PDE1C: variants seen among roughly 807,000 people sequenced by gnomAD.
PDE1C encodes the protein phosphodiesterase 1C, also known as dual specificity calcium/calmodulin-dependent 3',5'-cyclic nucleotide phosphodiesterase 1C.
PDE1C carries 62 observed loss-of-function variants against 93.1 expected under a neutral mutation model. That is an observed-to-expected ratio of 0.67 (90% CI 0.54 to 0.82). The LOEUF (loss-of-function observed/expected upper bound fraction) is 0.82. Ranked by LOEUF, PDE1C falls within the 40% of genes least tolerant of loss-of-function variation. The pLI is 0.00. For synonymous variants in PDE1C, 325 were observed against 310.1 expected (o/e 1.05, Z -0.50); for missense variants, 742 against 884.6 (o/e 0.84, Z 2.04).
At chr7:32,264,385 C>T (rs1810425484) in intron 1 of PDE1C, among the ~76,000 whole-genome samples, 1 of 152,160 alleles carries the variant, frequency 6.6e-6, no homozygotes. Context: ...ATTCTTATTG[C>T]CTTTTATAGA....
chr7:32,166,902 A>G (rs752917372), intron 3 of PDE1C, among the ~76,000 whole-genome samples: 192 of 152,278 alleles, frequency 1.3e-3, no homozygotes, highest in Non-Finnish European at 2.0e-3. Context: ...AAGTCTGCCC[A>G]AGCTACTCCT....
At chr7:32,011,794 A>T (rs1787155822) in intron 2 of PDE1C, among the ~76,000 whole-genome samples, 1 of 152,202 alleles carries the variant, frequency 6.6e-6, no homozygotes, top group Non-Finnish European at 1.5e-5. Context: ...ACATGCAGCT[A>T]CTATATGATG....
At chr7:32,234,782 C>T (rs1221564114) in intron 1 of PDE1C, among the ~76,000 whole-genome samples, 4 of 151,990 alleles carry the variant, frequency 2.6e-5, no homozygotes, top group African/African-American at 9.7e-5. Flanking sequence ...GTCATCATTA[C>T]TCTGATACCA....
rs3078683 is a variant in PDE1C, at chr7:32,147,272, AAAAGAAAGAAAG to A, written c.308+22501_308+22512del. On this transcript the variant is annotated intron_variant, in intron 3 of 18. Transcript: ENST00000396193. ...GAAAGAAAAGAAAGAAAGAAAGAAA[AAAAGAAAGAAAG>A]AAAGAAAGAAAGAAAGAAAGAAAGA... 1.0e-2 allele frequency among the ~76,000 whole-genome samples: 964 copies of A among 96,680 alleles called. 19 individuals are homozygous for A. The highest frequency in any genetic ancestry group is 0.012 in the Non-Finnish European group (536 of 45,588). The allele number at this position is 96,680 out of a possible 152,430, so 63.4% of individuals were successfully genotyped here.
intron 2 of PDE1C, among the ~76,000 whole-genome samples, chr7:31,936,676 C>T (rs62456035): frequency 1.3e-5 from 2 of 152,108 alleles, no homozygotes; most frequent in Non-Finnish European, 2.9e-5. Flanking sequence ...AATGACTCAT[C>T]ACAGATTAGA....
chr7:31,769,757 T>C (rs77899578), intron 17 of PDE1C, among the ~76,000 whole-genome samples: 20,067 of 152,162 alleles, frequency 0.13, 1,652 homozygotes, highest in Non-Finnish European at 0.18. Context: ...GAGAAGTCAC[T>C]CTCCACTCTC....
chr7:32,193,916 G>T (rs79482464), intron 2 of PDE1C, among the ~76,000 whole-genome samples: 24,227 of 114,992 alleles, frequency 0.21, 2,412 homozygotes, highest in South Asian at 0.43. Context: ...GTTTTGTTTT[G>T]TTTTTTTTTT....
At chr7:32,054,587 T>C (rs17160840) in intron 1 of PDE1C, among the ~76,000 whole-genome samples, 6,360 of 152,296 alleles carry the variant, frequency 0.042, 147 homozygotes, top group Middle Eastern at 0.085. Context: ...TATTTGCAAC[T>C]GTCACCCATA....
chr7:31,909,754 T>C (rs1226139322), intron 2 of PDE1C, among the ~76,000 whole-genome samples: 1 of 152,120 alleles, frequency 6.6e-6, no homozygotes, highest in African/African-American at 2.4e-5. Context: ...TTCAGATGAG[T>C]TCTTCAGGCA....
chr7:31,712,776 A>T, the PDE1C span, among the ~76,000 whole-genome samples: 8 of 152,326 alleles, frequency 5.3e-5, no homozygotes, highest in African/African-American at 9.6e-5. Context: ...GGAGCAAGTC[A>T]CATTTTACAT....
chr7:32,155,728 C>A (rs554000490), intron 3 of PDE1C, among the ~76,000 whole-genome samples: 1 of 152,128 alleles, frequency 6.6e-6, no homozygotes, highest in East Asian at 1.9e-4. Context: ...CACAGGTAGC[C>A]CCTGAGGGAA....
intron 1 of PDE1C, among the ~76,000 whole-genome samples, chr7:32,069,395 T>C (rs1795763550): frequency 6.6e-6 from 1 of 152,060 alleles, no homozygotes; most frequent in African/African-American, 2.4e-5. Context: ...AGCCATATTT[T>C]TAAACCACAC....
intron 17 of PDE1C, among the ~76,000 whole-genome samples, chr7:31,760,885 C>T (rs1308706415): frequency 6.6e-6 from 1 of 151,994 alleles, no homozygotes; most frequent in African/African-American, 2.4e-5. Context: ...CTCTACTATA[C>T]ATTCTATTTC....
the PDE1C span, among the ~76,000 whole-genome samples, chr7:31,705,249 G>A: frequency 6.6e-6 from 1 of 152,022 alleles, no homozygotes; most frequent in Non-Finnish European, 1.5e-5. Context: ...AAGTTTCCAG[G>A]GTACCAAAAG....
At chr7:32,406,745 T>C (rs1429865456) in intron 1 of PDE1C, among the ~76,000 whole-genome samples, 2 of 152,062 alleles carry the variant, frequency 1.3e-5, no homozygotes, top group Non-Finnish European at 2.9e-5. Flanking sequence ...CCCTGCATGG[T>C]ATGGATGTGA....
downstream of PDE1C, among the ~76,000 whole-genome samples, chr7:31,746,247 G>A (rs773913055): frequency 5.4e-4 from 82 of 152,332 alleles, no homozygotes; most frequent in Non-Finnish European, 1.0e-3. Flanking sequence ...AGAGGTAGAA[G>A]CAGAATCCCA....
At chr7:32,342,325 T>C (rs1783774310) in intron 1 of PDE1C, among the ~76,000 whole-genome samples, 1 of 152,188 alleles carries the variant, frequency 6.6e-6, no homozygotes, top group African/African-American at 2.4e-5. Context: ...ACAACTTGAG[T>C]TAATCAATAA....
chr7:32,382,826 G>A (rs1190024351), intron 1 of PDE1C, among the ~76,000 whole-genome samples: 2 of 152,158 alleles, frequency 1.3e-5, no homozygotes, highest in Admixed American at 6.5e-5. Flanking sequence ...CAGTCCACGC[G>A]ACTCCGACAC....
At chr7:31,667,199 C>G in the PDE1C span, among the ~76,000 whole-genome samples, 3 of 152,118 alleles carry the variant, frequency 2.0e-5, no homozygotes, top group Non-Finnish European at 2.9e-5. Context: ...CCGCCTATAG[C>G]TTTTGGAATA....
Sources: gnomAD v4.1 joint callset for allele counts (sites outside exome capture counted in the v4.1 genomes callset) on GRCh38, gnomAD v4.1.1 for gene constraint, MANE v1.5 for transcripts, NCBI Gene and HGNC (gene_info 2026-07-23, HGNC 2026-07-21) for gene names.